Variants in ABCB9 observed in about 807,000 individuals in gnomAD.
ABCB9 encodes ATP binding cassette subfamily B member 9, also known as ABC-type oligopeptide transporter ABCB9.
In ABCB9, 36 loss-of-function variants were observed where a neutral mutation model predicts 62.0. The observed-to-expected ratio is 0.58, with a 90% CI of 0.45 to 0.77. The LOEUF (loss-of-function observed/expected upper bound fraction) is 0.77, where lower values mean the gene tolerates loss of function less well. Among genes scored for constraint, ABCB9 ranks in the 30% least tolerant of loss-of-function variants. The pLI, the probability that ABCB9 is intolerant of heterozygous loss-of-function variation, is 0.00. For synonymous variants in ABCB9, 435 were observed against 461.4 expected, an observed-to-expected ratio of 0.94 and a Z score of 0.73; for missense variants, 943 against 1,054.7, an observed-to-expected ratio of 0.89 and a Z score of 1.47.
In ABCB9 at chr12:122,947,278, A is replaced by G. The variant is rs1291353816; in HGVS notation, c.1054-1056T>C. Among the ~76,000 whole-genome samples the G allele has an allele frequency of 6.6e-6, 1 of 152,118 alleles. No individual in the cohort carries two copies. The highest frequency in any genetic ancestry group is 6.5e-5 in the Admixed American group (1 of 15,278). On this transcript the variant is annotated intron_variant, in intron 5 of 11. Coordinates refer to ENST00000280560, the MANE Select transcript of ABCB9 (RefSeq NM_019625.4). This position sits in a 1 kb window ranked among gnomAD's most constrained non-coding sequence, Gnocchi z 6.0. ...AGAAATGGCTCAGACTCTAAAGAATAGATTTACTTTCTCATCTCAGTGAGG... is the reference window on the plus strand; with the variant it reads ...AGAAATGGCTCAGACTCTAAAGAATGGATTTACTTTCTCATCTCAGTGAGG...
Position 122,947,707 on chromosome 12 carries a change from C to A in ABCB9, c.1053+917G>T. 3.8e-6 allele frequency: 1 copy of A among 265,768 alleles called. No individual in the cohort carries two copies. The highest frequency in any genetic ancestry group is 3.2e-5 in the South Asian group (1 of 31,104). The allele number at this position is 265,768 out of a possible 1,614,324, so 16.5% of individuals were successfully genotyped here. A position where few individuals can be genotyped will look rare whatever the true frequency, so the allele number is the denominator to read the frequency against. ...CCCTAGCTCGGAAGCAGAAGCAGTGCCGTGGGGTGGCCAGAGGGGACAGCA... is the reference window on the plus strand; with the variant it reads ...CCCTAGCTCGGAAGCAGAAGCAGTGACGTGGGGTGGCCAGAGGGGACAGCA... On this transcript the variant is annotated intron_variant, in intron 5 of 11. Coordinates refer to ENST00000280560, the MANE Select transcript of ABCB9 (RefSeq NM_019625.4). The surrounding 1 kb of genome is among the most constrained non-coding windows in gnomAD (Gnocchi z 6.0).
rs985919188 is a variant in ABCB9, at chr12:122,947,661, G to A, written c.1053+963C>T. Reference sequence around the variant, plus strand: ...CCCATTCAGGAAGCAGGAGGAGGGTGAGGTCAAACCTGGCTCACGGCCCTA... The same window carrying A: ...CCCATTCAGGAAGCAGGAGGAGGGTAAGGTCAAACCTGGCTCACGGCCCTA... On this transcript the variant is annotated intron_variant, in intron 5 of 11. Transcript: ENST00000280560. This position sits in a 1 kb window ranked among gnomAD's most constrained non-coding sequence, Gnocchi z 6.0. 3 of 299,520 alleles carry A rather than the reference G, an allele frequency of 1.0e-5. No homozygotes were observed. The highest frequency in any genetic ancestry group is 6.5e-5 in the African/African-American group (3 of 45,916). 18.6% of individuals were successfully genotyped at this position (299,520 alleles called of 1,614,324 possible). A position where few individuals can be genotyped will look rare whatever the true frequency, so the allele number is the denominator to read the frequency against.
intron 2 of ABCB9, chr12:122,952,579 G>A (rs1328778873): frequency 2.0e-5 from 3 of 152,224 alleles, no homozygotes; most frequent in Non-Finnish European, 4.4e-5. Flanking sequence ...AGGCTGCAGA[G>A]TTCCACCCAG....
chr12:122,946,254 AC>A, intron 5 of ABCB9, 32 bp from the exon 6 acceptor site: 1 of 1,611,832 alleles, frequency 6.2e-7, no homozygotes, highest in African/African-American at 1.3e-5. Flanking sequence ...GAAGGAGAAG[AC>A]CCCAAAACAG....
upstream of ABCB9, among the ~76,000 whole-genome samples, chr12:122,971,021 G>A (rs2037264361): frequency 6.6e-6 from 1 of 152,180 alleles, no homozygotes; most frequent in South Asian, 2.1e-4. Flanking sequence ...GAAGGAAGGG[G>A]TGAGTAGGCA....
At chr12:122,935,157 A>AC (rs940264721) in intron 10 of ABCB9, 115 bp downstream of exon 10, 3 of 1,267,474 alleles carry the variant, frequency 2.4e-6, no homozygotes, top group African/African-American at 3.0e-5. Flanking sequence ...ACGTAGCGGG[A>AC]CCCCATCTCT....
intron 2 of ABCB9, chr12:122,951,383 C>T (rs1217061016): frequency 2.6e-5 from 4 of 151,826 alleles, no homozygotes; most frequent in Non-Finnish European, 5.9e-5. Flanking sequence ...CGCCACCAGG[C>T]CTAGCTAATT....
rs1235003039 is a variant in ABCB9, at chr12:122,960,277, A to G, written c.-42T>C. ...GGGCGGGTGCTGAAGGCCAGGTTGT[A>G]GCTCACGGGGGCAAGGCCATCATCA... On this transcript the variant is annotated 5_prime_UTR_variant, in exon 2 of 12. Transcript: ENST00000280560. 2 of 1,586,406 alleles carry G rather than the reference A, an allele frequency of 1.3e-6. No homozygotes were observed. Among genetic ancestry groups the G allele is most frequent in the Non-Finnish European group, 1.7e-6 (2 of 1,164,706 alleles).
chr12:122,969,274 G>C (rs931431600), upstream of ABCB9, among the ~76,000 whole-genome samples: 1 of 151,680 alleles, frequency 6.6e-6, no homozygotes, highest in African/African-American at 2.4e-5. Context: ...GGTAAACTTG[G>C]ACTAAGAACC....
chr12:122,974,858 C>G (rs1201318405), exon 1 of ABCB9: 1 of 168,032 alleles, frequency 6.0e-6, no homozygotes, highest in East Asian at 1.7e-4. Context: ...GACCTCCGAG[C>G]TCTTTAAACT....
At chr12:122,935,067 G>C (rs552794806) in intron 10 of ABCB9, among the ~76,000 whole-genome samples, 2 of 152,302 alleles carry the variant, frequency 1.3e-5, no homozygotes, top group African/African-American at 4.8e-5. Flanking sequence ...ACAGCACAGT[G>C]GCTCATGCCT....
intron 11 of ABCB9, among the ~76,000 whole-genome samples, chr12:122,922,540 C>T (rs907358410): frequency 2.6e-5 from 4 of 151,982 alleles, no homozygotes; most frequent in African/African-American, 7.3e-5. Flanking sequence ...CCACCACGCC[C>T]GGCTAATTTT....
chr12:122,953,241 CTCAG>C (rs1353743441), intron 2 of ABCB9, among the ~76,000 whole-genome samples: 1 of 150,168 alleles, frequency 6.7e-6, no homozygotes, highest in Non-Finnish European at 1.5e-5. Flanking sequence ...GAGATGGAGT[CTCAG>C]TCTGTTACCC....
chr12:122,933,692 T>C (rs534440346), intron 10 of ABCB9, among the ~76,000 whole-genome samples: 18 of 152,220 alleles, frequency 1.2e-4, no homozygotes, highest in African/African-American at 4.1e-4. Flanking sequence ...TAGAACTACT[T>C]AAGTTCATAT....
chr12:122,919,637 G>T (rs2034699407), downstream of ABCB9, among the ~76,000 whole-genome samples: 1 of 152,080 alleles, frequency 6.6e-6, no homozygotes, highest in African/African-American at 2.4e-5. Flanking sequence ...TCTCTTGTCT[G>T]CTGCCATCTT....
At chr12:122,962,108 C>T (rs929673467) in intron 1 of ABCB9, among the ~76,000 whole-genome samples, 1 of 152,176 alleles carries the variant, frequency 6.6e-6, no homozygotes, top group Non-Finnish European at 1.5e-5. Flanking sequence ...CAGCCCTAGG[C>T]CCCTTTGGTT....
upstream of ABCB9, among the ~76,000 whole-genome samples, chr12:122,967,864 G>A (rs1199761475): frequency 1.3e-5 from 2 of 152,190 alleles, no homozygotes; most frequent in Non-Finnish European, 2.9e-5. Context: ...CTTCTTTAGA[G>A]GGGAATTTGT....
intron 7 of ABCB9, among the ~76,000 whole-genome samples, 193 bp from the exon 8 acceptor site, chr12:122,941,188 T>C (rs1450798526): frequency 6.6e-6 from 1 of 151,964 alleles, no homozygotes; most frequent in East Asian, 1.9e-4. Context: ...TCACTAGCAC[T>C]CTACCGGCCA....
chr12:122,944,915 T>G lies in ABCB9; in HGVS notation c.1252-396A>C, dbSNP rs1193219223. Among the ~76,000 whole-genome samples, 1 of 152,188 alleles carries G rather than the reference T, an allele frequency of 6.6e-6. No homozygotes were observed. Among genetic ancestry groups the G allele is most frequent in the Non-Finnish European group, 1.5e-5 (1 of 68,026 alleles). ...GTGAGCTCTCTGTCTCCTCCCCCAGTGGGGTTCCGTGAAGAAGGGGCTGTG... is the reference window on the plus strand; with the variant it reads ...GTGAGCTCTCTGTCTCCTCCCCCAGGGGGGTTCCGTGAAGAAGGGGCTGTG... On this transcript the variant is annotated intron_variant, in intron 6 of 11. Coordinates refer to ENST00000280560, the MANE Select transcript of ABCB9 (RefSeq NM_019625.4). The surrounding 1 kb of genome is among the most constrained non-coding windows in gnomAD (Gnocchi z 4.9).
Sources: allele counts gnomAD v4.1 joint callset (sites outside exome capture counted in the v4.1 genomes callset), GRCh38; gene constraint gnomAD v4.1.1; non-coding constraint Gnocchi (gnomAD v3.1); transcripts MANE v1.5; gene names NCBI Gene and HGNC (gene_info 2026-07-23, HGNC 2026-07-21).